TRPM2: variants seen among roughly 807,000 people sequenced by gnomAD.
TRPM2 encodes estrogen-responsive element-associated gene 1 protein.
TRPM2 carries 161 observed loss-of-function variants against 174.0 expected under a neutral mutation model. The observed-to-expected ratio is 0.93, with a 90% CI of 0.81 to 1.05. The LOEUF (loss-of-function observed/expected upper bound fraction) is 1.05, where lower values mean the gene tolerates loss of function less well. Ranked by LOEUF, TRPM2 falls within the 50% of genes least tolerant of loss-of-function variation. The pLI is 0.00. For missense variants in TRPM2, 2,057 were observed against 2,038.0 expected (o/e 1.01, Z -0.18); for synonymous variants, 954 against 861.3 (o/e 1.11, Z -1.88).
chr21:44,391,991 G>T lies in TRPM2; in HGVS notation c.1794+366G>T, dbSNP rs1020449106. ...TTATTTTTTATTTTTTTGAGACAGG[G>T]TCTCACTCTGTCGTCCAGGCTGGAG... On this transcript the variant is annotated intron_variant, in intron 11 of 31. Coordinates refer to ENST00000397928, the MANE Select transcript of TRPM2 (RefSeq NM_003307.4). The surrounding 1 kb of genome is among the most constrained non-coding windows in gnomAD (Gnocchi z 5.0). 2.6e-5 allele frequency among the ~76,000 whole-genome samples: 4 copies of T among 152,006 alleles called. No homozygotes were observed. The highest frequency in any genetic ancestry group is 7.3e-5 in the African/African-American group (3 of 41,368).
At chr21:44,418,151 G>T (rs376028763) in intron 21 of TRPM2, 43 bp downstream of exon 21, 15 of 1,576,328 alleles carry the variant, frequency 9.5e-6, no homozygotes, top group Non-Finnish European at 1.3e-5. Flanking sequence ...CTGGCCACCC[G>T]GGTGCAGAGG....
Position 44,439,016 on chromosome 21 carries a change from A to G in TRPM2, c.4168-51A>G. The G allele has an allele frequency of 2.7e-6, 4 of 1,507,656 alleles. No homozygotes were observed. Among genetic ancestry groups the G allele is most frequent in the Non-Finnish European group, 3.7e-6 (4 of 1,094,512 alleles). 93.4% of individuals were successfully genotyped at this position (1,507,656 alleles called of 1,614,324 possible). On this transcript the variant is annotated intron_variant, in intron 29 of 31. Coordinates refer to ENST00000397928, the MANE Select transcript of TRPM2 (RefSeq NM_003307.4). This position sits in a 1 kb window ranked among gnomAD's most constrained non-coding sequence, Gnocchi z 5.1. ...TGGAGACGGGTGCCAGGGCAGCCTG[A>G]GGTCCCGCTTCGGTGCCCTGTTGAC...
At chr21:44,426,633 G>A (rs780514696) in intron 25 of TRPM2, 27 bp from the exon 26 acceptor site, 1 of 1,613,488 alleles carries the variant, frequency 6.2e-7, no homozygotes, top group South Asian at 1.1e-5. Context: ...GTAAAAATCT[G>A]AGGGAAAACT....
At chr21:44,370,018 G>A (rs1602146900) in intron 5 of TRPM2, among the ~76,000 whole-genome samples, 1 of 151,916 alleles carries the variant, frequency 6.6e-6, no homozygotes, top group Non-Finnish European at 1.5e-5. Flanking sequence ...CAGGTGGAGT[G>A]TGCGGGGGAG....
intron 5 of TRPM2, among the ~76,000 whole-genome samples, chr21:44,373,085 A>C (rs148544333): frequency 1.9e-4 from 29 of 151,532 alleles, no homozygotes; most frequent in African/African-American, 6.8e-4. Context: ...TGCTGTCTCC[A>C]CTCCTGGCTT....
chr21:44,368,879 A>T (rs1246735778), intron 4 of TRPM2, among the ~76,000 whole-genome samples: 1 of 152,218 alleles, frequency 6.6e-6, no homozygotes, highest in Non-Finnish European at 1.5e-5. Flanking sequence ...TGGGAGGAAG[A>T]GGGAAAGCAA....
intron 22 of TRPM2, chr21:44,423,296 A>G: frequency 3.3e-6 from 1 of 306,764 alleles, no homozygotes; most frequent in Non-Finnish European, 6.3e-6. Flanking sequence ...TCACCCCCAA[A>G]ACAAAACCAA....
At chr21:44,364,082 C>T (rs1319737063) in intron 2 of TRPM2, 32 bp from the exon 3 acceptor site, 4 of 1,604,496 alleles carry the variant, frequency 2.5e-6, no homozygotes, top group Non-Finnish European at 3.4e-6. Flanking sequence ...GGGCACCACA[C>T]TCCCTGGGTG....
At chr21:44,416,313 T>C (rs924026187) in intron 20 of TRPM2, 1 of 152,256 alleles carries the variant, frequency 6.6e-6, no homozygotes, top group African/African-American at 2.4e-5. Context: ...GTTCTGAACA[T>C]TGAGAGAACC....
At chr21:44,426,828 G>C (rs922168687) in intron 26 of TRPM2, 92 bp downstream of exon 26, 2 of 1,528,026 alleles carry the variant, frequency 1.3e-6, no homozygotes, top group Non-Finnish European at 9.0e-7. Context: ...AGCCCAGCCC[G>C]GGGAGGTCCA....
At position 44,442,036 on chromosome 21, in the gene TRPM2, G is replaced by A; in HGVS notation, c.*219G>A. 1 of 630,508 alleles carries A rather than the reference G, an allele frequency of 1.6e-6. No individual in the cohort carries two copies. The highest frequency in any genetic ancestry group is 2.4e-6 in the Non-Finnish European group (1 of 423,060). 39.1% of individuals were successfully genotyped at this position (630,508 alleles called of 1,614,324 possible). On this transcript the variant is annotated 3_prime_UTR_variant, in exon 32 of 32. Transcript: ENST00000397928. ...ACCCGGGAGGAGAGCTCAAGACAGGGCACAGGCTACTCAGAGCTGAGGGGC... is the reference window on the plus strand; with the variant it reads ...ACCCGGGAGGAGAGCTCAAGACAGGACACAGGCTACTCAGAGCTGAGGGGC...
In TRPM2 at chr21:44,441,795, C is replaced by T. The variant is rs753214494; in HGVS notation, c.4490C>T (p.Ala1497Val). ...AAGACCCTCCTCCAGAAGGCAGCCG[C>T]TGAGTTCGGGGCTCACTACTGACTG... is the stretch of plus-strand genomic sequence containing the variant. ...NHKTLLQKAA[A>V]EFGAHY Residue 1497 changes from alanine (A) to valine (V), a missense_variant, in exon 32 of 32, where the codon GCT becomes GTT. Transcript: ENST00000397928. 1 of 1,610,360 alleles carries T rather than the reference C, an allele frequency of 6.2e-7. No individual in the cohort carries two copies. Among genetic ancestry groups the T allele is most frequent in the Non-Finnish European group, 8.5e-7 (1 of 1,178,382 alleles).
chr21:44,384,032 T>C (rs2048954559), intron 9 of TRPM2, among the ~76,000 whole-genome samples: 1 of 151,958 alleles, frequency 6.6e-6, no homozygotes, highest in Admixed American at 6.6e-5. Flanking sequence ...ACATAAAGAA[T>C]AGAAAATTGC....
chr21:44,424,572 C>T (rs1006193831), intron 23 of TRPM2, among the ~76,000 whole-genome samples: 4 of 152,208 alleles, frequency 2.6e-5, no homozygotes, highest in African/African-American at 9.6e-5. Flanking sequence ...CTGGCTTGTC[C>T]AGTGCAGTGA....
chr21:44,407,993 CAAA>C (rs997899183), intron 19 of TRPM2, among the ~76,000 whole-genome samples: 2 of 151,612 alleles, frequency 1.3e-5, no homozygotes, highest in African/African-American at 4.8e-5. Context: ...GGAGTCAGGC[CAAA>C]GTGCAGTGGC....
chr21:44,369,345 T>G lies in TRPM2; in HGVS notation c.771+2T>G. On this transcript the variant is annotated splice_donor_variant, in intron 5 of 31. Coordinates refer to ENST00000397928, the MANE Select transcript of TRPM2 (RefSeq NM_003307.4). LOFTEE classifies it high-confidence loss of function. ...CGCGAGGGCCTGATCCATCCCACGG[T>G]GAGTGCGGCCCCCTAGGGAGGGGAG... 1 of 1,608,518 alleles carries G rather than the reference T, an allele frequency of 6.2e-7. No homozygotes were observed. Among genetic ancestry groups the G allele is most frequent in the South Asian group, 1.1e-5 (1 of 90,530 alleles).
rs756901000 is a variant in TRPM2 at position 44,438,110 on chromosome 21, G to A, written c.4167+943G>A. On this transcript the variant is annotated intron_variant, in intron 29 of 31. Transcript: ENST00000397928. This position sits in a 1 kb window ranked among gnomAD's most constrained non-coding sequence, Gnocchi z 5.9. ...GCCTCTGGGCAGGAACGGGGACTCC[G>A]GAGCCCAGGCCCAGCTGCTGGGTCC... is the stretch of plus-strand genomic sequence containing the variant. Among the ~76,000 whole-genome samples, 2 of 152,216 alleles carry A rather than the reference G, an allele frequency of 1.3e-5. No homozygotes were observed. The highest frequency in any genetic ancestry group is 2.9e-5 in the Non-Finnish European group (2 of 68,036).
At chr21:44,396,120 A>G (rs550235078) in intron 12 of TRPM2, among the ~76,000 whole-genome samples, 3 of 684 alleles carry the variant, frequency 4.4e-3, no homozygotes, top group Admixed American at 0.012. Context: ...GGGTGTGGAG[A>G]CTGTGGAGGG....
chr21:44,352,358 TGA>T (rs1381025238), upstream of TRPM2, among the ~76,000 whole-genome samples: 1 of 152,130 alleles, frequency 6.6e-6, no homozygotes, highest in Non-Finnish European at 1.5e-5. Flanking sequence ...TGGGGTTGCC[TGA>T]GAGTGCCCGC....
Sources: allele counts gnomAD v4.1 joint callset (sites outside exome capture counted in the v4.1 genomes callset), GRCh38; gene constraint gnomAD v4.1.1; non-coding constraint Gnocchi (gnomAD v3.1); transcripts MANE v1.5; gene names NCBI Gene and HGNC (gene_info 2026-07-23, HGNC 2026-07-21).